The following KCNIP3 variants were observed in gnomAD, a reference collection of about 807,000 sequenced individuals.
KCNIP3 encodes the protein calsenilin.
KCNIP3 carries 28 observed loss-of-function variants against 35.0 expected under a neutral mutation model. The observed-to-expected ratio is 0.80, with a 90% CI of 0.59 to 1.10. The LOEUF (loss-of-function observed/expected upper bound fraction) is 1.10. Ranked by LOEUF, KCNIP3 falls within the 50% of genes least tolerant of loss-of-function variation. The probability of loss-of-function intolerance (pLI) is 0.00; values close to 1 mark genes in which losing one functional copy is unlikely to be tolerated. For missense variants in KCNIP3, 295 were observed against 338.4 expected, an observed-to-expected ratio of 0.87 and a Z score of 1.01; for synonymous variants, 134 against 133.8, an observed-to-expected ratio of 1.00 and a Z score of -0.01.
At chr2:95,373,018 G>A (rs1232972278) in intron 2 of KCNIP3, among the ~76,000 whole-genome samples, 2 of 152,160 alleles carry the variant, frequency 1.3e-5, no homozygotes, top group Non-Finnish European at 2.9e-5. Context: ...CAGGCACCAC[G>A]GGCACAGGAT....
At chr2:95,314,649 G>A (rs1678406896) in intron 2 of KCNIP3, among the ~76,000 whole-genome samples, 1 of 152,254 alleles carries the variant, frequency 6.6e-6, no homozygotes, top group Non-Finnish European at 1.5e-5. Flanking sequence ...GATGGCCCTT[G>A]ATGCCAGTTG....
intron 1 of KCNIP3, among the ~76,000 whole-genome samples, chr2:95,302,643 T>C (rs1438194512): frequency 1.3e-5 from 2 of 152,142 alleles, no homozygotes; most frequent in African/African-American, 2.4e-5. Flanking sequence ...TGAGGGCACA[T>C]TGTCACCCCC....
At chr2:95,339,258 C>T (rs746279271) in intron 2 of KCNIP3, among the ~76,000 whole-genome samples, 22 of 152,202 alleles carry the variant, frequency 1.4e-4, no homozygotes, top group Non-Finnish European at 2.5e-4. Flanking sequence ...GGGAGCCAGG[C>T]CTGACTGATC....
Position 95,376,064 on chromosome 2 carries a change from C to T in KCNIP3, c.447+856C>T, listed in dbSNP as rs886127032. 6.6e-6 allele frequency among the ~76,000 whole-genome samples: 1 copy of T among 152,226 alleles called. No individual in the cohort carries two copies. The highest frequency in any genetic ancestry group is 2.4e-5 in the African/African-American group (1 of 41,468). On this transcript the variant is annotated intron_variant, in intron 5 of 8. Transcript: ENST00000295225. The surrounding 1 kb of genome is among the most constrained non-coding windows in gnomAD (Gnocchi z 4.2). ...GCCCGCCAGGCACACTGACGCTCCC[C>T]GCCTGCCCTGTGACCACAGGACCCC...
chr2:95,319,755 T>C (rs1321481124), intron 2 of KCNIP3, among the ~76,000 whole-genome samples: 3 of 152,174 alleles, frequency 2.0e-5, no homozygotes, highest in Admixed American at 2.0e-4. Flanking sequence ...TGTCATGCCT[T>C]TTACCTGCCT....
chr2:95,326,032 CACAT>C (rs750846629), intron 2 of KCNIP3, among the ~76,000 whole-genome samples: 16 of 151,664 alleles, frequency 1.1e-4, no homozygotes, highest in Admixed American at 7.2e-4. Context: ...CACTCATACA[CACAT>C]ACACTCATAT....
chr2:95,320,432 G>A (rs1344821330), intron 2 of KCNIP3, among the ~76,000 whole-genome samples: 8 of 152,080 alleles, frequency 5.3e-5, no homozygotes, highest in Non-Finnish European at 2.9e-5. Flanking sequence ...GGTGTGGTGG[G>A]GTGTGGGCGG....
At position 95,346,493 on chromosome 2, in the gene KCNIP3, G is replaced by C. The variant is rs951981753; in HGVS notation, c.182-27803G>C. Among the ~76,000 whole-genome samples the C allele has an allele frequency of 1.5e-4, 23 of 149,854 alleles. No homozygotes were observed. The South Asian group carries it at 2.7e-3, about 18-fold the overall frequency. ...CGCCCTTCCCGGGCAGGCGCGGGGG[G>C]GCCGCAGGGACGCCTCCCGGAGTGG... On this transcript the variant is annotated intron_variant, in intron 2 of 8. Coordinates refer to ENST00000295225, the MANE Select transcript of KCNIP3 (RefSeq NM_013434.5).
At chr2:95,368,123 A>G (rs1448515936) in intron 2 of KCNIP3, among the ~76,000 whole-genome samples, 1 of 152,236 alleles carries the variant, frequency 6.6e-6, no homozygotes, top group Non-Finnish European at 1.5e-5. Context: ...AAACTAGGCT[A>G]GCTGCTTGGA....
At chr2:95,368,564 C>T in intron 2 of KCNIP3, 1 of 391,404 alleles carries the variant, frequency 2.6e-6, no homozygotes, top group Admixed American at 3.0e-5. Context: ...AACCATTTTG[C>T]CATCCTTAAT....
chr2:95,337,152 C>T (rs1389904117), intron 2 of KCNIP3, among the ~76,000 whole-genome samples: 1 of 152,144 alleles, frequency 6.6e-6, no homozygotes, highest in East Asian at 1.9e-4. Flanking sequence ...TCCAGTGTGA[C>T]CGCCAGTGCT....
chr2:95,324,639 ATGGTGGCTC>A lies in KCNIP3; in HGVS notation c.181+14120_181+14128del, dbSNP rs1558763093. On this transcript the variant is annotated intron_variant, in intron 2 of 8. Coordinates refer to ENST00000295225, the MANE Select transcript of KCNIP3 (RefSeq NM_013434.5). The stretch of plus-strand genomic sequence containing the variant: ...AAAAAAATGACAGTTTTGGCCTGGC[ATGGTGGCTC>A]ACGCCTGTAATCCCAGCACTTTGGG... Among the ~76,000 whole-genome samples the A allele has an allele frequency of 1.3e-5, 2 of 148,198 alleles. 1 individual carries two copies. The highest frequency in any genetic ancestry group is 3.0e-5 in the Non-Finnish European group (2 of 66,444).
chr2:95,367,607 C>T (rs867413170), intron 2 of KCNIP3, among the ~76,000 whole-genome samples: 4 of 152,126 alleles, frequency 2.6e-5, no homozygotes, highest in Admixed American at 1.3e-4. Context: ...AGATATATAC[C>T]TAAGTATTTC....
At chr2:95,349,662 CAGGGCA>C (rs1679463368) in intron 2 of KCNIP3, among the ~76,000 whole-genome samples, 1 of 152,194 alleles carries the variant, frequency 6.6e-6, no homozygotes, top group Non-Finnish European at 1.5e-5. Flanking sequence ...CAGTGGGCAG[CAGGGCA>C]TGGGCCTGGC....
intron 2 of KCNIP3, among the ~76,000 whole-genome samples, chr2:95,317,116 A>AGAGATAG (rs1678476903): frequency 6.6e-6 from 1 of 152,142 alleles, no homozygotes; most frequent in Non-Finnish European, 1.5e-5. Flanking sequence ...AGACAGCCTA[A>AGAGATAG]GGCTAGGGCC....
intron 1 of KCNIP3, among the ~76,000 whole-genome samples, chr2:95,301,324 C>G (rs548935513): frequency 6.6e-6 from 1 of 152,358 alleles, no homozygotes; most frequent in East Asian, 1.9e-4. Context: ...ATGGGTCTTG[C>G]GCAGAGCCCT....
chr2:95,310,547 A>C, intron 2 of KCNIP3, 27 bp downstream of exon 2: 222 of 562,726 alleles, frequency 3.9e-4, no homozygotes, highest in Non-Finnish European at 5.5e-4. Context: ...GCTGTGGTCA[A>C]GGGTGGGGGT....
intron 8 of KCNIP3, 125 bp downstream of exon 8, chr2:95,383,419 C>T: frequency 1.1e-6 from 1 of 949,074 alleles, no homozygotes; most frequent in African/African-American, 1.6e-5. Flanking sequence ...TGGCAGCTGT[C>T]CTTGGCCCCT....
rs201294397 is a variant in KCNIP3 at position 95,355,558 on chromosome 2, A to T, written c.182-18738A>T. On this transcript the variant is annotated intron_variant, in intron 2 of 8. Coordinates refer to ENST00000295225, the MANE Select transcript of KCNIP3 (RefSeq NM_013434.5). ...CCCCGCCCTGTGTCCAAGTGATCTC[A>T]TTGTTCAGTTCCCACCTGTGAGTGA... Among the ~76,000 whole-genome samples the T allele has an allele frequency of 3.3e-5, 5 of 151,932 alleles. No homozygotes were observed. In the East Asian group the frequency reaches 9.7e-4, roughly 29 times the overall value.
Sources: allele counts gnomAD v4.1 joint callset (sites outside exome capture counted in the v4.1 genomes callset), GRCh38; gene constraint gnomAD v4.1.1; non-coding constraint Gnocchi (gnomAD v3.1); transcripts MANE v1.5; gene names NCBI Gene and HGNC (gene_info 2026-07-23, HGNC 2026-07-21).